The following HTT variants were observed in gnomAD, a reference collection of about 807,000 sequenced individuals.
The protein encoded by HTT is huntingtin, also known as huntington disease protein.
HTT carries 104 observed loss-of-function variants against 362.3 expected under a neutral mutation model. The observed-to-expected ratio is 0.29, with a 90% confidence interval of 0.24 to 0.34. The LOEUF (loss-of-function observed/expected upper bound fraction) is 0.34, where lower values mean the gene tolerates loss of function less well. HTT is among the 10% of genes least tolerant of loss of function. The pLI, the probability that HTT is intolerant of heterozygous loss-of-function variation, is 1.00. For synonymous variants in HTT, 1,577 were observed against 1,548.7 expected (o/e 1.02, Z -0.43); for missense variants, 3,301 against 3,928.6 (o/e 0.84, Z 4.27).
intron 11 of HTT, among the ~76,000 whole-genome samples, chr4:3,126,570 A>AT (rs58673147): frequency 2.7e-4 from 41 of 151,836 alleles, no homozygotes; most frequent in African/African-American, 8.9e-4. Flanking sequence ...ATAAAAATAG[A>AT]TTTTTTTTTG....
intron 59 of HTT, 137 bp from the exon 60 acceptor site, chr4:3,229,750 C>T: frequency 1.1e-6 from 1 of 924,076 alleles, no homozygotes. Context: ...ACCACACACA[C>T]ACGCACACAT....
At chr4:3,144,353 T>G (rs1716494399) in intron 23 of HTT, among the ~76,000 whole-genome samples, 1 of 152,230 alleles carries the variant, frequency 6.6e-6, no homozygotes, top group African/African-American at 2.4e-5. Flanking sequence ...AATCTCACTC[T>G]GTTGCCCAGG....
chr4:3,098,684 G>T (rs144876891), intron 2 of HTT, among the ~76,000 whole-genome samples: 44 of 152,216 alleles, frequency 2.9e-4, no homozygotes, highest in South Asian at 6.2e-4. Flanking sequence ...TCTTTGTCTC[G>T]CACAACAAAA....
intron 52 of HTT, 62 bp from the exon 53 acceptor site, chr4:3,220,120 T>C: frequency 6.3e-7 from 1 of 1,591,872 alleles, no homozygotes; most frequent in South Asian, 1.1e-5. Flanking sequence ...GCTTCCTGCT[T>C]CCTCACAGTA....
intron 40 of HTT, 59 bp from the exon 41 acceptor site, chr4:3,199,673 G>A (rs1307438166): frequency 6.1e-6 from 9 of 1,465,330 alleles, no homozygotes; most frequent in Middle Eastern, 1.7e-4. Flanking sequence ...TCTTCGCGTA[G>A]CCATGTGGCA....
intron 61 of HTT, among the ~76,000 whole-genome samples, chr4:3,234,776 G>T (rs1330880382): frequency 6.6e-6 from 1 of 152,204 alleles, no homozygotes; most frequent in Admixed American, 6.5e-5. Flanking sequence ...GTGGGTGTTG[G>T]GGGGCATCGT....
rs1226399633 is a variant in HTT, at chr4:3,209,817, T to C, written c.6292-10T>C. On this transcript the variant is annotated splice_polypyrimidine_tract_variant and intron_variant, in intron 46 of 66. Transcript: ENST00000355072. ...CATCATGTTCCCCTTATCCATTTTT[T>C]TCTTCCCAGGACTGGTACGTTCATC... 3 of 1,613,394 alleles carry C rather than the reference T, an allele frequency of 1.9e-6. No homozygotes were observed. The highest frequency in any genetic ancestry group is 2.5e-6 in the Non-Finnish European group (3 of 1,179,586).
Position 3,228,644 on chromosome 4 carries a change from C to T in HTT, c.7878C>T (p.Asn2626=), listed in dbSNP as rs181007475. Residue 2626 remains asparagine, a synonymous_variant, in exon 58 of 67, where the codon AAC becomes AAT. Transcript: ENST00000355072. This position sits in a 1 kb window ranked among gnomAD's most constrained non-coding sequence, Gnocchi z 4.3. The part of the protein sequence containing the change: ...QVSIHSVWLG[N]SITPLREEEW... ...CCATACACTCCGTGTGGCTGGGGAA[C>T]AGCATCACACCCCTGAGGGAGGAGG... is the stretch of plus-strand genomic sequence containing the variant. 6.9e-6 allele frequency: 11 copies of T among 1,599,190 alleles called. No homozygotes were observed. Among genetic ancestry groups the T allele is most frequent in the Admixed American group, 1.7e-5 (1 of 57,946 alleles).
At chr4:3,238,334 A>G in intron 64 of HTT, 113 bp from the exon 65 acceptor site, 1 of 741,760 alleles carries the variant, frequency 1.3e-6, no homozygotes, top group Non-Finnish European at 2.1e-6. Flanking sequence ...GGTCCCTCCC[A>G]GCCCTGATTT....
At chr4:3,187,925 T>A in intron 39 of HTT, 39 bp downstream of exon 39, 1 of 1,269,518 alleles carries the variant, frequency 7.9e-7, no homozygotes, top group Non-Finnish European at 1.1e-6. Flanking sequence ...ACCCATGCCT[T>A]TTGGGAAGTC....
chr4:3,204,947 C>T (rs537441326), intron 42 of HTT, among the ~76,000 whole-genome samples: 18 of 152,336 alleles, frequency 1.2e-4, no homozygotes, highest in African/African-American at 4.1e-4. Flanking sequence ...TGTGTCACTG[C>T]ACTCCGGCCT....
In HTT at chr4:3,223,413, C is replaced by G. The variant is rs1028614728; in HGVS notation, c.7478C>G (p.Thr2493Arg). The G allele has an allele frequency of 6.3e-7, 1 of 1,588,194 alleles. No homozygotes were observed. ...EQEESPPEED[T>R]ERTQINVLAV... Reference sequence around the variant, plus strand: ...TGTGGGCTCTCCTTCCAGGAAGACACAGAGAGGACCCAGATCAACGTCCTG... The same window carrying G: ...TGTGGGCTCTCCTTCCAGGAAGACAGAGAGAGGACCCAGATCAACGTCCTG... Residue 2493 changes from threonine to arginine, a missense_variant, in exon 55 of 67, where the codon ACA (threonine) becomes AGA (arginine). By Grantham distance (71) the Thr-to-Arg change is moderately conservative. Around this residue, in one of 4 missense-constraint regions of HTT, gnomAD observed 753 missense variants for 1,021.3 expected, o/e 0.74. Transcript: ENST00000355072.
At chr4:3,085,772 TA>T (rs1713174221) in intron 1 of HTT, among the ~76,000 whole-genome samples, 1 of 152,244 alleles carries the variant, frequency 6.6e-6, no homozygotes, top group Admixed American at 6.5e-5. Context: ...TCTTTTAGTT[TA>T]GTTGTTTTTA....
chr4:3,179,810 G>C (rs1718423204), intron 35 of HTT, among the ~76,000 whole-genome samples: 1 of 146,526 alleles, frequency 6.8e-6, no homozygotes, highest in African/African-American at 2.6e-5. Flanking sequence ...CTGTGTGTGT[G>C]CTCATGTGTG....
At chr4:3,138,248 A>T (rs888739201) in intron 21 of HTT, among the ~76,000 whole-genome samples, 13 of 151,414 alleles carry the variant, frequency 8.6e-5, no homozygotes, top group Non-Finnish European at 1.6e-4. Flanking sequence ...CATTTTTTTA[A>T]ATTTCAATGG....
chr4:3,136,344 A>C lies in HTT; in HGVS notation c.2798+18A>C, dbSNP rs1247836650. On this transcript the variant is annotated intron_variant, in intron 21 of 66. Transcript: ENST00000355072. Reference sequence around the variant, plus strand: ...CTAATTAGGTATTTACCAATATTTTATCTCTTTTCCTTTTTTGGTTGAAGT... The same window carrying C: ...CTAATTAGGTATTTACCAATATTTTCTCTCTTTTCCTTTTTTGGTTGAAGT... 2 of 1,408,482 alleles carry C rather than the reference A, an allele frequency of 1.4e-6. No homozygotes were observed. The highest frequency in any genetic ancestry group is 1.0e-6 in the Non-Finnish European group (1 of 1,000,468). The allele number at this position is 1,408,482 out of a possible 1,614,324, so 87.2% of individuals were successfully genotyped here.
Position 3,130,334 on chromosome 4 carries a change from A to G in HTT, c.1897A>G (p.Met633Val). Residue 633 changes from methionine to valine, a missense_variant, in exon 14 of 67, where the codon ATG (methionine) becomes GTG (valine). Transcript: ENST00000355072. ...TCAACAGGCACATTTATTGAAAAAC[A>G]TGAGTCACTGCAGGCAGCCTTCTGA... is the stretch of plus-strand genomic sequence containing the variant. ...ALQQAHLLKN[M>V]SHCRQPSDSS... 6.2e-7 allele frequency: 1 copy of G among 1,600,244 alleles called. No homozygotes were observed. The highest frequency in any genetic ancestry group is 8.5e-7 in the Non-Finnish European group (1 of 1,171,700).
At chr4:3,121,115 G>A in intron 8 of HTT, 113 bp from the exon 9 acceptor site, 1 of 654,552 alleles carries the variant, frequency 1.5e-6, no homozygotes, top group African/African-American at 1.8e-5. Flanking sequence ...TTTAGGGGGA[G>A]AAGTTAAGGT....
In HTT at chr4:3,235,731, A is replaced by G; in HGVS notation, c.8738A>G (p.His2913Arg). ...SVDRVNVHSP[H>R]RAMAALGLML... ...GACAGAGTGAACGTGCACAGCCCGCACCGGGCCATGGCGGCTCTGGGCCTG... is the reference window on the plus strand; with the variant it reads ...GACAGAGTGAACGTGCACAGCCCGCGCCGGGCCATGGCGGCTCTGGGCCTG... The change falls in exon 63 of 67, where the codon CAC becomes CGC. Residue 2913 changes from histidine to arginine, a missense_variant. His to Arg is a conservative substitution (Grantham distance 29). Transcript: ENST00000355072. 1 of 1,612,294 alleles carries G rather than the reference A, an allele frequency of 6.2e-7. No individual in the cohort carries two copies. Among genetic ancestry groups the G allele is most frequent in the Non-Finnish European group, 8.5e-7 (1 of 1,180,012 alleles).
Sources: gnomAD v4.1 joint callset for allele counts (sites outside exome capture counted in the v4.1 genomes callset) on GRCh38, gnomAD v4.1.1 for gene constraint, gnomAD v4.1.1 regional missense constraint, Gnocchi (gnomAD v3.1) non-coding constraint, MANE v1.5 for transcripts, NCBI Gene and HGNC (gene_info 2026-07-23, HGNC 2026-07-21) for gene names.